Variants in DLGAP1 observed in about 807,000 individuals in gnomAD.
DLGAP1 encodes disks large-associated protein 1.
DLGAP1 carries 11 observed loss-of-function variants against 90.8 expected under a neutral mutation model. The observed-to-expected ratio is 0.12, with a 90% CI of 0.08 to 0.20. The LOEUF is 0.20. Ranked by LOEUF, DLGAP1 falls within the 10% of genes least tolerant of loss-of-function variation. The pLI is 1.00. For synonymous variants in DLGAP1, 558 were observed against 540.7 expected, an observed-to-expected ratio of 1.03 and a Z score of -0.44; for missense variants, 1,050 against 1,333.8, an observed-to-expected ratio of 0.79 and a Z score of 3.31.
intron 1 of DLGAP1, among the ~76,000 whole-genome samples, chr18:4,166,476 T>C (rs1273829701): frequency 1.3e-5 from 2 of 152,198 alleles, no homozygotes; most frequent in African/African-American, 4.8e-5. Context: ...GGAGAATTGC[T>C]TGAACATGGG....
chr18:4,112,747 C>G (rs770383048), intron 2 of DLGAP1, among the ~76,000 whole-genome samples: 1 of 152,076 alleles, frequency 6.6e-6, no homozygotes, highest in African/African-American at 2.4e-5. Context: ...TTTTTCAGCT[C>G]TTGCCCCTCA....
intron 3 of DLGAP1, among the ~76,000 whole-genome samples, chr18:3,932,726 T>C (rs1407963056): frequency 6.6e-6 from 1 of 152,164 alleles, no homozygotes; most frequent in Non-Finnish European, 1.5e-5. Flanking sequence ...AAATACTCAT[T>C]CCATGTCCAT....
intron 5 of DLGAP1, among the ~76,000 whole-genome samples, chr18:3,755,061 T>C (rs1286298918): frequency 6.6e-6 from 1 of 152,182 alleles, no homozygotes; most frequent in Non-Finnish European, 1.5e-5. Context: ...ATCATACTAC[T>C]ATAATAATAT....
At chr18:4,188,102 T>G (rs2077331263) in intron 1 of DLGAP1, among the ~76,000 whole-genome samples, 1 of 152,304 alleles carries the variant, frequency 6.6e-6, no homozygotes, top group African/African-American at 2.4e-5. Context: ...CATTGGCATC[T>G]GATTATCTTT....
intron 1 of DLGAP1, among the ~76,000 whole-genome samples, chr18:4,389,335 T>C (rs1210629736): frequency 6.6e-6 from 1 of 152,126 alleles, no homozygotes; most frequent in Non-Finnish European, 1.5e-5. Context: ...AGAAATAAAG[T>C]AGAATGATGG....
rs572719340 is a variant in DLGAP1 at position 3,982,280 on chromosome 18, C to T, written c.-73+22836G>A. On this transcript the variant is annotated intron_variant, in intron 3 of 12. Coordinates refer to ENST00000315677, the MANE Select transcript of DLGAP1 (RefSeq NM_004746.4). ...TTTGTTGTCATTAAAATGTTTATCTCTAAAAGTCACACTGTCTCCACGTCA... is the reference window on the plus strand; with the variant it reads ...TTTGTTGTCATTAAAATGTTTATCTTTAAAAGTCACACTGTCTCCACGTCA... 2.0e-5 allele frequency among the ~76,000 whole-genome samples: 3 copies of T among 152,096 alleles called. No individual in the cohort carries two copies. In the East Asian group the frequency reaches 5.8e-4, roughly 29 times the overall value.
rs964786633 is a variant in DLGAP1, at chr18:3,497,747, G to A, written c.*1438C>T. 2 of 152,194 alleles carry A rather than the reference G, an allele frequency of 1.3e-5. No individual in the cohort carries two copies. The highest frequency in any genetic ancestry group is 2.4e-5 in the African/African-American group (1 of 41,460). 9.4% of individuals were successfully genotyped at this position (152,194 alleles called of 1,614,324 possible). ...GTAAGGGCATTTAAAGACAACTTCA[G>A]CTAGACACCGATGCATACTGCCCAT... On this transcript the variant is annotated 3_prime_UTR_variant, in exon 13 of 13. Transcript: ENST00000315677.
rs1234462930 is a variant in DLGAP1 at position 3,660,623 on chromosome 18, T to C, written c.1591+68512A>G. 2.0e-5 allele frequency among the ~76,000 whole-genome samples: 3 copies of C among 152,236 alleles called. No homozygotes were observed. Among genetic ancestry groups the C allele is most frequent in the Non-Finnish European group, 4.4e-5 (3 of 68,044 alleles). On this transcript the variant is annotated intron_variant, in intron 7 of 12. Transcript: ENST00000315677. The surrounding 1 kb of genome is among the most constrained non-coding windows in gnomAD (Gnocchi z 4.2). ...ATGTTATTGAGCTGAGTACTGAGAT[T>C]TCATTATATTGACCACTGTCTATTT...
intron 3 of DLGAP1, chr18:3,978,468 C>A: frequency 3.6e-6 from 1 of 274,354 alleles, no homozygotes; most frequent in South Asian, 4.5e-5. Context: ...TGGGTGGAAT[C>A]ATACTGGGAC....
intron 2 of DLGAP1, among the ~76,000 whole-genome samples, chr18:4,073,655 C>A (rs1226599119): frequency 6.6e-6 from 1 of 152,094 alleles, no homozygotes; most frequent in Non-Finnish European, 1.5e-5. Context: ...CTACAAAAAA[C>A]TAAGTGGATA....
In DLGAP1 at chr18:3,989,963, C is replaced by T. The variant is rs374754284; in HGVS notation, c.-73+15153G>A. ...ATCTCACAACAGTTAGAATGGCGAT[C>T]ATTAAAAAGTCAGGAAACAACAGGT... On this transcript the variant is annotated intron_variant, in intron 3 of 12. Coordinates refer to ENST00000315677, the MANE Select transcript of DLGAP1 (RefSeq NM_004746.4). Among the ~76,000 whole-genome samples the T allele has an allele frequency of 2.1e-4, 32 of 152,178 alleles. 1 individual carries two copies. In the South Asian group the frequency reaches 2.5e-3, roughly 12 times the overall value.
chr18:3,847,167 T>C lies in DLGAP1; in HGVS notation c.957+31945A>G, dbSNP rs374021352. 3.7e-4 allele frequency among the ~76,000 whole-genome samples: 57 copies of C among 152,302 alleles called. No homozygotes were observed. The South Asian group carries it at 0.011, about 30-fold the overall frequency. On this transcript the variant is annotated intron_variant, in intron 4 of 12. Transcript: ENST00000315677. ...TCTTGTTTTGGTATCAGGATAGCAT[T>C]GGCCTAAGAAAATAAATCCTGTTTC...
At chr18:3,720,190 C>T (rs900609493) in intron 7 of DLGAP1, among the ~76,000 whole-genome samples, 1 of 152,054 alleles carries the variant, frequency 6.6e-6, no homozygotes, top group Non-Finnish European at 1.5e-5. Flanking sequence ...ATAACTTAGA[C>T]TAGTTATCTT....
chr18:3,594,010 G>C (rs982244904), intron 7 of DLGAP1: 1 of 116,832 alleles, frequency 8.6e-6, no homozygotes, highest in African/African-American at 3.3e-5. Context: ...CGTCATTAAA[G>C]AAAAAAAAAA....
intron 1 of DLGAP1, among the ~76,000 whole-genome samples, chr18:4,409,481 TCAACA>T (rs2082731616): frequency 6.6e-6 from 1 of 152,170 alleles, no homozygotes; most frequent in South Asian, 2.1e-4. Context: ...GAAAATAAAA[TCAACA>T]CATTTTTCTT....
At position 4,027,234 on chromosome 18, in the gene DLGAP1, G is replaced by A. The variant is rs984737013; in HGVS notation, c.-158-22033C>T. Among the ~76,000 whole-genome samples, 8 of 152,018 alleles carry A rather than the reference G, an allele frequency of 5.3e-5. No individual in the cohort carries two copies. In the East Asian group the frequency reaches 9.7e-4, roughly 18 times the overall value. On this transcript the variant is annotated intron_variant, in intron 2 of 12. Transcript: ENST00000315677. ...AAATAGAAATAATGTGGTCTGGTGT[G>A]GTGGCTCATGCCTATAATCCCAGCA... is the stretch of plus-strand genomic sequence containing the variant.
chr18:4,157,491 C>T (rs1189460317), intron 1 of DLGAP1, among the ~76,000 whole-genome samples: 2 of 152,092 alleles, frequency 1.3e-5, no homozygotes, highest in African/African-American at 4.8e-5. Context: ...TAATTGGTTC[C>T]TCATTTGTGT....
chr18:3,950,411 G>A (rs2072961821), intron 3 of DLGAP1, among the ~76,000 whole-genome samples: 1 of 152,202 alleles, frequency 6.6e-6, no homozygotes, highest in South Asian at 2.1e-4. Flanking sequence ...GCCAGTACCA[G>A]GCCTAACCTC....
At chr18:3,968,953 T>C (rs1484888446) in intron 3 of DLGAP1, among the ~76,000 whole-genome samples, 1 of 152,122 alleles carries the variant, frequency 6.6e-6, no homozygotes, top group African/African-American at 2.4e-5. Context: ...CACGGCATTC[T>C]TTCTCCAACT....
Sources: gnomAD v4.1 joint callset for allele counts (sites outside exome capture counted in the v4.1 genomes callset) on GRCh38, gnomAD v4.1.1 for gene constraint, Gnocchi (gnomAD v3.1) non-coding constraint, MANE v1.5 for transcripts, NCBI Gene and HGNC (gene_info 2026-07-23, HGNC 2026-07-21) for gene names.